The following ZMYM2 variants were observed in gnomAD, a reference collection of about 807,000 sequenced individuals.
ZMYM2 encodes the protein zinc finger MYM-type protein 2.
In ZMYM2, 56 loss-of-function variants were observed where a neutral mutation model predicts 162.8. The observed-to-expected ratio is 0.34, with a 90% CI of 0.28 to 0.43. The LOEUF is 0.43. ZMYM2 is among the 20% of genes least tolerant of loss of function. The probability of loss-of-function intolerance (pLI) is 1.00; values close to 1 mark genes in which losing one functional copy is unlikely to be tolerated. For synonymous variants in ZMYM2, 510 were observed against 541.6 expected (o/e 0.94, Z 0.81); for missense variants, 1,275 against 1,621.8 (o/e 0.79, Z 3.67).
At chr13:20,004,002 GT>G (rs978370760) in intron 4 of ZMYM2, among the ~76,000 whole-genome samples, 3 of 152,102 alleles carry the variant, frequency 2.0e-5, no homozygotes, top group Admixed American at 1.3e-4. Flanking sequence ...CTGGAATATG[GT>G]ATGTTATATG....
chr13:19,961,223 G>A (rs145232252), intron 2 of ZMYM2, among the ~76,000 whole-genome samples: 1 of 150,682 alleles, frequency 6.6e-6, no homozygotes, highest in Admixed American at 6.6e-5. Flanking sequence ...TTATCAATAC[G>A]TGCCCACACT....
intron 6 of ZMYM2, among the ~76,000 whole-genome samples, chr13:20,008,665 A>G (rs545601210): frequency 3.3e-5 from 5 of 152,346 alleles, no homozygotes; most frequent in Non-Finnish European, 7.3e-5. Context: ...AAATGTGCAT[A>G]CATTCTGATG....
upstream of ZMYM2, among the ~76,000 whole-genome samples, chr13:19,954,246 A>G (rs1593978617): frequency 6.7e-6 from 1 of 148,346 alleles, no homozygotes; most frequent in Non-Finnish European, 1.5e-5. Flanking sequence ...CTCCTGCCTC[A>G]GCCTCCCAAG....
At position 19,982,534 on chromosome 13, in the gene ZMYM2, T is replaced by G. The variant is rs1957438315; in HGVS notation, c.-10-10529T>G. 2.6e-5 allele frequency among the ~76,000 whole-genome samples: 4 copies of G among 152,122 alleles called. No homozygotes were observed. The South Asian group carries it at 8.3e-4, about 32-fold the overall frequency. ...AACTCCTGACCTGAAGTGATCTACC[T>G]GCCTCGGCCTCCCAAACATTAGCTG... On this transcript the variant is annotated intron_variant, in intron 2 of 24. Coordinates refer to ENST00000610343, the MANE Select transcript of ZMYM2 (RefSeq NM_197968.4).
chr13:19,983,536 TTCTTG>T (rs1194337608), intron 2 of ZMYM2, among the ~76,000 whole-genome samples: 1 of 152,210 alleles, frequency 6.6e-6, no homozygotes, highest in African/African-American at 2.4e-5. Flanking sequence ...TAGAAGAATG[TTCTTG>T]TCTTATTCTT....
the ZMYM2 span, among the ~76,000 whole-genome samples, chr13:19,888,491 GC>G: frequency 6.6e-6 from 1 of 151,518 alleles, no homozygotes; most frequent in South Asian, 2.1e-4. Context: ...GCTCAGCTGT[GC>G]TTTTATTTTA....
chr13:19,885,957 A>ATATGTGTG, the ZMYM2 span, among the ~76,000 whole-genome samples: 157 of 88,064 alleles, frequency 1.8e-3, 42 homozygotes, highest in Non-Finnish European at 3.2e-3. Context: ...ATATACACAT[A>ATATGTGTG]TATATGTGTA....
At chr13:19,948,692 A>T in the ZMYM2 span, among the ~76,000 whole-genome samples, 1 of 152,210 alleles carries the variant, frequency 6.6e-6, no homozygotes, top group African/African-American at 2.4e-5. Context: ...TTTGAGTAAT[A>T]ATAATGTGTT....
intron 21 of ZMYM2, among the ~76,000 whole-genome samples, chr13:20,080,679 G>A (rs1474169861): frequency 6.6e-6 from 1 of 151,926 alleles, no homozygotes; most frequent in African/African-American, 2.4e-5. Context: ...TTGTAGAGAC[G>A]GGGTTTCACC....
chr13:20,058,769 C>A (rs959644687), intron 15 of ZMYM2, 65 bp downstream of exon 15: 1 of 1,580,826 alleles, frequency 6.3e-7, no homozygotes, highest in Non-Finnish European at 8.7e-7. Context: ...GAAATACATG[C>A]TTTTCTTGAA....
At chr13:19,870,577 TC>T in the ZMYM2 span, among the ~76,000 whole-genome samples, 1 of 141,370 alleles carries the variant, frequency 7.1e-6, no homozygotes, top group African/African-American at 2.7e-5. Context: ...CTTCCTTCTT[TC>T]CTTTCCTTCC....
chr13:19,997,914 T>G (rs1420349036), intron 3 of ZMYM2, among the ~76,000 whole-genome samples: 1 of 152,200 alleles, frequency 6.6e-6, no homozygotes, highest in Non-Finnish European at 1.5e-5. Context: ...TGGTTCCAGT[T>G]TTTCCTACTT....
At chr13:19,957,493 G>T (rs900349593), upstream of ZMYM2, among the ~76,000 whole-genome samples, 1 of 152,212 alleles carries the variant, frequency 6.6e-6, no homozygotes, top group African/African-American at 2.4e-5. Context: ...CGCCGAAGAC[G>T]TAGGTGTAGA....
the ZMYM2 span, among the ~76,000 whole-genome samples, chr13:19,897,153 G>A: frequency 6.6e-6 from 1 of 151,724 alleles, no homozygotes; most frequent in African/African-American, 2.4e-5. Flanking sequence ...ATTGGGGATA[G>A]GAGTAAATAT....
In ZMYM2 at chr13:20,045,104, A is replaced by G. The variant is rs374335603; in HGVS notation, c.2293-6329A>G. On this transcript the variant is annotated intron_variant, in intron 12 of 24. Transcript: ENST00000610343. ...GAAGACAGACATTATCATGACTTCA[A>G]ATTTGTTAAGGCCTCTAAAGAAACA... Among the ~76,000 whole-genome samples the G allele has an allele frequency of 4.1e-4, 62 of 151,972 alleles. 1 individual carries two copies. The South Asian group carries it at 0.013, about 31-fold the overall frequency.
At chr13:20,054,654 TA>T (rs1467074718) in intron 14 of ZMYM2, among the ~76,000 whole-genome samples, 1 of 152,188 alleles carries the variant, frequency 6.6e-6, no homozygotes, top group East Asian at 1.9e-4. Context: ...AAAAACATTC[TA>T]AAAAACAAGT....
chr13:19,979,428 C>CTT (rs71763618), intron 2 of ZMYM2, among the ~76,000 whole-genome samples: 8 of 110,848 alleles, frequency 7.2e-5, no homozygotes, highest in South Asian at 2.9e-4. Flanking sequence ...TTTTTCTGCA[C>CTT]TTTTTTTTTT....
At chr13:19,873,831 G>T in the ZMYM2 span, among the ~76,000 whole-genome samples, 1 of 152,162 alleles carries the variant, frequency 6.6e-6, no homozygotes, top group Non-Finnish European at 1.5e-5. Context: ...AGGCAGAAAG[G>T]TACAGCTGGG....
chr13:19,884,774 CG>C, the ZMYM2 span, among the ~76,000 whole-genome samples: 1 of 152,080 alleles, frequency 6.6e-6, no homozygotes, highest in Non-Finnish European at 1.5e-5. Context: ...ATAGTGCCGA[CG>C]CCCCCAAGAC....
Sources: gnomAD v4.1 joint callset for allele counts (sites outside exome capture counted in the v4.1 genomes callset) on GRCh38, gnomAD v4.1.1 for gene constraint, MANE v1.5 for transcripts, NCBI Gene and HGNC (gene_info 2026-07-23, HGNC 2026-07-21) for gene names.